PLEKHM1: variants seen among roughly 807,000 people sequenced by gnomAD.
The protein encoded by PLEKHM1 is pleckstrin homology domain-containing family M member 1.
PLEKHM1 carries 28 observed loss-of-function variants against 94.3 expected under a neutral mutation model. The ratio of observed to expected loss-of-function variants is 0.30; its 90% confidence interval spans 0.22 to 0.41. PLEKHM1 has a LOEUF of 0.41. Among genes scored for constraint, PLEKHM1 ranks in the 10% least tolerant of loss-of-function variants. PLEKHM1 has a pLI of 1.00. For synonymous variants in PLEKHM1, 424 were observed against 581.2 expected, an observed-to-expected ratio of 0.73 and a Z score of 3.89; for missense variants, 907 against 1,358.6, an observed-to-expected ratio of 0.67 and a Z score of 5.22.
chr17:45,440,652 C>T (rs1318160384), intron 9 of PLEKHM1, among the ~76,000 whole-genome samples: 9 of 152,220 alleles, frequency 5.9e-5, no homozygotes, highest in Non-Finnish European at 1.3e-4. Flanking sequence ...GAGGCTGGTA[C>T]TATCACAATC....
At chr17:45,487,993 T>A (rs2052182913) in intron 1 of PLEKHM1, 2 of 351,854 alleles carry the variant, frequency 5.7e-6, no homozygotes. Flanking sequence ...CTTTCAGGCA[T>A]GTGAGTGCTG....
chr17:45,436,215 C>T lies in PLEKHM1; in HGVS notation c.*1643G>A, dbSNP rs1415607766. The T allele has an allele frequency of 4.4e-6, 2 of 454,374 alleles. No individual in the cohort carries two copies. Among genetic ancestry groups the T allele is most frequent in the Non-Finnish European group, 8.8e-6 (2 of 226,864 alleles). 28.1% of individuals were successfully genotyped at this position (454,374 alleles called of 1,614,324 possible). ...CCTCCCCAGGCCAGGCTCCTGCCCA[C>T]TCAGGGATGGGGCAATGAGGGCTCT... On this transcript the variant is annotated 3_prime_UTR_variant, in exon 12 of 12. Coordinates refer to ENST00000430334, the MANE Select transcript of PLEKHM1 (RefSeq NM_014798.3).
intron 2 of PLEKHM1, among the ~76,000 whole-genome samples, chr17:45,480,707 T>C (rs2051924683): frequency 1.3e-5 from 2 of 152,236 alleles, no homozygotes; most frequent in African/African-American, 4.8e-5. Context: ...ATCTGACTTA[T>C]TTCACTTAGC....
At position 45,490,647 on chromosome 17, in the gene PLEKHM1, C is replaced by A. The variant is rs1313169213; in HGVS notation, c.-42+5G>T. ...CCCTCCTCGCATCTTGACCCCCTAA[C>A]TCACCAAGCGGAGCGAGGAGCGAGG... On this transcript the variant is annotated splice_donor_5th_base_variant and intron_variant, in intron 1 of 11. Coordinates refer to ENST00000430334, the MANE Select transcript of PLEKHM1 (RefSeq NM_014798.3). 1 of 449,912 alleles carries A rather than the reference C, an allele frequency of 2.2e-6. No individual in the cohort carries two copies. Among genetic ancestry groups the A allele is most frequent in the Non-Finnish European group, 4.5e-6 (1 of 223,988 alleles). The allele number at this position is 449,912 out of a possible 1,614,324, so 27.9% of individuals were successfully genotyped here. A position where few individuals can be genotyped will look rare whatever the true frequency, so the allele number is the denominator to read the frequency against.
At position 45,477,906 on chromosome 17, in the gene PLEKHM1, G is replaced by T; in HGVS notation, c.290C>A (p.Thr97Asn). The T allele has an allele frequency of 6.2e-7, 1 of 1,613,968 alleles. No homozygotes were observed. The highest frequency in any genetic ancestry group is 1.1e-5 in the South Asian group (1 of 91,006). ...CTCTCCAGCTAAATCTCACTTGTGG[G>T]TGACAGCTTTCAGGAGGGGCCAGAA... ...PVFWPLLKAVTHKHIISELEH... is the reference protein window; with the variant it reads ...PVFWPLLKAVNHKHIISELEH... The change falls in exon 3 of 12, where the codon ACC becomes AAC. Residue 97 changes from threonine to asparagine, a missense_variant. Physicochemically the swap from Thr to Asn is moderately conservative, Grantham distance 65. Around this residue, in one of 3 missense-constraint regions of PLEKHM1, gnomAD observed 176 missense variants for 306.0 expected, o/e 0.58. Transcript: ENST00000430334.
chr17:45,490,186 G>A (rs1259266829), intron 1 of PLEKHM1, among the ~76,000 whole-genome samples: 1 of 151,928 alleles, frequency 6.6e-6, no homozygotes, highest in Admixed American at 6.6e-5. Context: ...GCTAGACGGG[G>A]GATGGGGGTG....
chr17:45,476,991 G>T (rs964339508), intron 3 of PLEKHM1: 1 of 152,236 alleles, frequency 6.6e-6, no homozygotes, highest in African/African-American at 2.4e-5. Context: ...CGTGAGACAA[G>T]GCAGTGGCAA....
intron 5 of PLEKHM1, chr17:45,459,359 A>T (rs1440845838): frequency 1.3e-5 from 2 of 152,224 alleles, no homozygotes; most frequent in African/African-American, 4.8e-5. Context: ...CATCTCATAT[A>T]GATGGAACCA....
At position 45,436,768 on chromosome 17, in the gene PLEKHM1, T is replaced by C; in HGVS notation, c.*1090A>G. The C allele has an allele frequency of 2.2e-6, 1 of 454,120 alleles. No homozygotes were observed. Among genetic ancestry groups the C allele is most frequent in the Non-Finnish European group, 4.4e-6 (1 of 226,798 alleles). 28.1% of individuals were successfully genotyped at this position (454,120 alleles called of 1,614,324 possible). ...AGTTCAGTGATGCTTTGGGAATTCA[T>C]GGCTTTGTGAGGTGGTGGCTGCATC... On this transcript the variant is annotated 3_prime_UTR_variant, in exon 12 of 12. Transcript: ENST00000430334.
intron 5 of PLEKHM1, chr17:45,460,101 A>G (rs1280129523): frequency 6.6e-6 from 1 of 152,210 alleles, no homozygotes; most frequent in Non-Finnish European, 1.5e-5. Context: ...CTTGTATGAC[A>G]GTAGAACATG....
intron 1 of PLEKHM1, among the ~76,000 whole-genome samples, chr17:45,485,192 A>G (rs1028109501): frequency 1.4e-4 from 21 of 151,538 alleles, no homozygotes; most frequent in African/African-American, 4.9e-4. Context: ...ACGGGGTGAC[A>G]GGAAAAGGGG....
Position 45,453,162 on chromosome 17 carries a change from G to A in PLEKHM1, c.2497+193C>T, listed in dbSNP as rs1278559367. On this transcript the variant is annotated intron_variant, in intron 7 of 11. Coordinates refer to ENST00000430334, the MANE Select transcript of PLEKHM1 (RefSeq NM_014798.3). This position sits in a 1 kb window ranked among gnomAD's most constrained non-coding sequence, Gnocchi z 4.1. ...CGGGTGAGCAGGGCCCACTGCCTATGAGCAGGGCACTGGCCCCAGCCGGGG... is the reference window on the plus strand; with the variant it reads ...CGGGTGAGCAGGGCCCACTGCCTATAAGCAGGGCACTGGCCCCAGCCGGGG... The A allele has an allele frequency of 9.3e-6, 6 of 644,788 alleles. No individual in the cohort carries two copies. The highest frequency in any genetic ancestry group is 1.7e-5 in the Non-Finnish European group (6 of 358,036). The allele number at this position is 644,788 out of a possible 1,614,324, so 39.9% of individuals were successfully genotyped here. A position where few individuals can be genotyped will look rare whatever the true frequency, so the allele number is the denominator to read the frequency against.
At chr17:45,439,096 G>A (rs2050359914) in intron 11 of PLEKHM1, among the ~76,000 whole-genome samples, 2 of 152,214 alleles carry the variant, frequency 1.3e-5, no homozygotes, top group African/African-American at 4.8e-5. Flanking sequence ...CCCACCAGGT[G>A]CCACTTTGTG....
chr17:45,468,070 T>C (rs2051374836), intron 5 of PLEKHM1, 139 bp downstream of exon 5: 3 of 836,546 alleles, frequency 3.6e-6, no homozygotes, highest in Admixed American at 4.0e-5. Context: ...ATCATCATGA[T>C]GCTATTAACA....
At chr17:45,484,472 A>G (rs2052048657) in intron 1 of PLEKHM1, among the ~76,000 whole-genome samples, 2 of 152,244 alleles carry the variant, frequency 1.3e-5, no homozygotes, top group African/African-American at 4.8e-5. Flanking sequence ...CCAATTGCCA[A>G]TCAGGAAAAT....
At chr17:45,489,865 G>A (rs2145377523) in intron 1 of PLEKHM1, among the ~76,000 whole-genome samples, 1 of 152,208 alleles carries the variant, frequency 6.6e-6, no homozygotes, top group Non-Finnish European at 1.5e-5. Context: ...GTGGGTCAGC[G>A]GGGGTGAAAG....
At chr17:45,486,701 C>G (rs540224064) in intron 1 of PLEKHM1, among the ~76,000 whole-genome samples, 7 of 152,150 alleles carry the variant, frequency 4.6e-5, no homozygotes, top group Non-Finnish European at 1.0e-4. Flanking sequence ...AGAAATCCAG[C>G]AGAAGAGCCA....
chr17:45,469,863 A>G (rs2051438460), intron 4 of PLEKHM1, among the ~76,000 whole-genome samples: 2 of 152,202 alleles, frequency 1.3e-5, no homozygotes. Context: ...CCACAAGATC[A>G]GGAGTTCAAG....
intron 11 of PLEKHM1, 111 bp downstream of exon 11, chr17:45,439,366 T>G: frequency 8.1e-7 from 1 of 1,241,006 alleles, no homozygotes; most frequent in East Asian, 2.4e-5. Context: ...AAGTGGATGT[T>G]CAATAAGTTC....
Sources: gnomAD v4.1 joint callset for allele counts (sites outside exome capture counted in the v4.1 genomes callset) on GRCh38, gnomAD v4.1.1 for gene constraint, gnomAD v4.1.1 regional missense constraint, Gnocchi (gnomAD v3.1) non-coding constraint, MANE v1.5 for transcripts, NCBI Gene and HGNC (gene_info 2026-07-23, HGNC 2026-07-21) for gene names.